Variants in SPAST observed in about 807,000 individuals in gnomAD.
The protein encoded by SPAST is spastic paraplegia 4 (autosomal dominant; spastin).
SPAST carries 30 observed loss-of-function variants against 76.6 expected under a neutral mutation model. That is an observed-to-expected ratio of 0.39 (90% CI 0.29 to 0.53). The LOEUF is 0.53. Ranked by LOEUF, SPAST falls within the 20% of genes least tolerant of loss-of-function variation. The pLI is 0.68. For missense variants in SPAST, 717 were observed against 770.5 expected, an observed-to-expected ratio of 0.93 and a Z score of 0.82; for synonymous variants, 305 against 281.0, an observed-to-expected ratio of 1.09 and a Z score of -0.86.
chr2:32,104,720 T>A (rs1484025365), intron 4 of SPAST, among the ~76,000 whole-genome samples: 3 of 152,196 alleles, frequency 2.0e-5, no homozygotes, highest in Admixed American at 1.3e-4. Context: ...AAGCTTAGTT[T>A]GGCTGGATAT....
chr2:32,145,744 T>C (rs1213087775), intron 15 of SPAST, among the ~76,000 whole-genome samples: 2 of 152,202 alleles, frequency 1.3e-5, no homozygotes, highest in Non-Finnish European at 2.9e-5. Flanking sequence ...ACCAATTCTT[T>C]TTAGGTTAGG....
chr2:32,141,068 A>C (rs1173799265), intron 12 of SPAST, among the ~76,000 whole-genome samples: 2 of 151,670 alleles, frequency 1.3e-5, no homozygotes, highest in African/African-American at 4.8e-5. Flanking sequence ...AGGGGAAGGG[A>C]TAGGTATCTT....
At chr2:32,128,169 A>G (rs1385255484) in intron 8 of SPAST, 4 of 436,412 alleles carry the variant, frequency 9.2e-6, no homozygotes, top group Non-Finnish European at 1.3e-5. Flanking sequence ...TAATTTTTGT[A>G]TTTTTATTAG....
intron 1 of SPAST, 30 bp from the exon 2 acceptor site, chr2:32,087,462 G>A (rs375287472): frequency 1.3e-5 from 18 of 1,357,220 alleles, no homozygotes; most frequent in Admixed American, 1.7e-5. Context: ...CTCTTCATAC[G>A]ATCTATACAA....
intron 7 of SPAST, among the ~76,000 whole-genome samples, chr2:32,119,619 T>G (rs78926455): frequency 0.033 from 5,102 of 152,304 alleles, 136 homozygotes; most frequent in Non-Finnish European, 0.054. Flanking sequence ...TCCATCTTCC[T>G]TCAATCCCAT....
intron 4 of SPAST, among the ~76,000 whole-genome samples, chr2:32,110,307 A>G (rs1678504919): frequency 6.7e-6 from 1 of 149,060 alleles, no homozygotes; most frequent in South Asian, 2.1e-4. Flanking sequence ...TTTAGTAGAA[A>G]TGGGGTTTCA....
intron 1 of SPAST, among the ~76,000 whole-genome samples, chr2:32,079,697 C>T (rs1223037710): frequency 6.6e-6 from 1 of 150,436 alleles, no homozygotes; most frequent in African/African-American, 2.4e-5. Context: ...TAGCTGGGAC[C>T]ACAGGTGTGC....
intron 14 of SPAST, 110 bp downstream of exon 14, chr2:32,143,525 T>C: frequency 1.4e-6 from 1 of 716,046 alleles, no homozygotes; most frequent in Non-Finnish European, 2.4e-6. Flanking sequence ...AATTCATTGA[T>C]CAGAAGACTT....
At chr2:32,109,726 T>G (rs1463078922) in intron 4 of SPAST, among the ~76,000 whole-genome samples, 1 of 149,132 alleles carries the variant, frequency 6.7e-6, no homozygotes, top group African/African-American at 2.4e-5. Context: ...AATAACTATA[T>G]GTATATATAA....
At chr2:32,122,485 C>T (rs1279963866) in intron 7 of SPAST, among the ~76,000 whole-genome samples, 1 of 152,080 alleles carries the variant, frequency 6.6e-6, no homozygotes, top group Non-Finnish European at 1.5e-5. Context: ...CCACGCCTGG[C>T]TAATTTTTGT....
chr2:32,087,560 G>C lies in SPAST; in HGVS notation c.484G>C (p.Val162Leu). 2 of 1,596,100 alleles carry C rather than the reference G, an allele frequency of 1.3e-6. No homozygotes were observed. The highest frequency in any genetic ancestry group is 1.7e-6 in the Non-Finnish European group (2 of 1,164,928). ...GIEELEKGIA[V>L]IVTGQGEQCE... ...TGAAGAACTGGAAAAAGGAATAGCTGTTATAGTTACAGGACAAGGTAAGAT... is the reference window on the plus strand; with the variant it reads ...TGAAGAACTGGAAAAAGGAATAGCTCTTATAGTTACAGGACAAGGTAAGAT... Residue 162 changes from valine (V) to leucine (L), a missense_variant, in exon 2 of 17, where the codon GTT becomes CTT. By Grantham distance (32) the Val-to-Leu change is conservative. This residue lies in a region of SPAST where 543 missense variants were observed against 445.2 expected (regional missense o/e 1.22). Coordinates refer to ENST00000315285, the MANE Select transcript of SPAST (RefSeq NM_014946.4).
rs1558340752 is a variant in SPAST, at chr2:32,143,324, A to C, written c.1537-12A>C. 1 of 1,440,482 alleles carries C rather than the reference A, an allele frequency of 6.9e-7. No homozygotes were observed. The allele number at this position is 1,440,482 out of a possible 1,614,324, so 89.2% of individuals were successfully genotyped here. ...AAATTAGACTGAATGATCATTTTTT[A>C]ATATTTTTCAGACAAGACTACTTTT... On this transcript the variant is annotated splice_polypyrimidine_tract_variant and intron_variant, in intron 13 of 16. Coordinates refer to ENST00000315285, the MANE Select transcript of SPAST (RefSeq NM_014946.4).
intron 7 of SPAST, among the ~76,000 whole-genome samples, chr2:32,125,324 A>G (rs1679152749): frequency 1.3e-5 from 2 of 152,028 alleles, no homozygotes; most frequent in Non-Finnish European, 1.5e-5. Context: ...CCAGGGTTCA[A>G]GCGATTCTCA....
At chr2:32,141,179 G>A (rs1009326120) in intron 12 of SPAST, among the ~76,000 whole-genome samples, 3 of 152,056 alleles carry the variant, frequency 2.0e-5, no homozygotes, top group African/African-American at 7.2e-5. Flanking sequence ...AAGAGATAGG[G>A]TTGATTTATT....
chr2:32,155,635 T>G lies in SPAST; in HGVS notation c.*1139T>G, dbSNP rs990636934. On this transcript the variant is annotated 3_prime_UTR_variant, in exon 17 of 17. Coordinates refer to ENST00000315285, the MANE Select transcript of SPAST (RefSeq NM_014946.4). ...TCTAGTCTGTTGATCTGCCTTTTGT[T>G]CTCCCAAAATGTACAGTAATTCCAT... 6.6e-5 allele frequency: 10 copies of G among 152,628 alleles called. No individual in the cohort carries two copies. Among genetic ancestry groups the G allele is most frequent in the African/African-American group, 2.4e-4 (10 of 41,570 alleles). 9.5% of individuals were successfully genotyped at this position (152,628 alleles called of 1,614,324 possible).
rs1242508444 is a variant in SPAST, at chr2:32,110,658, A to ATATAGT, written c.683-3980_683-3979insTATAGT. On this transcript the variant is annotated intron_variant, in intron 4 of 16. Coordinates refer to ENST00000315285, the MANE Select transcript of SPAST (RefSeq NM_014946.4). ...GTAGTATATATAGTATATATAGTAT[A>ATATAGT]GTATATATAGTATATATAGTGTATA... Among the ~76,000 whole-genome samples, 273 of 137,720 alleles carry ATATAGT rather than the reference A, an allele frequency of 2.0e-3. 4 individuals are homozygous for ATATAGT. The highest frequency in any genetic ancestry group is 7.3e-3 in the African/African-American group (269 of 36,864). 90.3% of individuals were successfully genotyped at this position (137,720 alleles called of 152,430 possible).
intron 1 of SPAST, among the ~76,000 whole-genome samples, chr2:32,076,465 T>C (rs1309330166): frequency 6.6e-6 from 1 of 152,068 alleles, no homozygotes; most frequent in Non-Finnish European, 1.5e-5. Context: ...CAAGCAATCC[T>C]CCTACCTCAG....
intron 1 of SPAST, among the ~76,000 whole-genome samples, chr2:32,072,682 T>G (rs1292229416): frequency 6.6e-6 from 1 of 152,208 alleles, no homozygotes; most frequent in Non-Finnish European, 1.5e-5. Context: ...TTCTATATAA[T>G]TCAATATTGT....
At chr2:32,080,783 CTTTTTTTTTTTTTTT>C (rs1162817708) in intron 1 of SPAST, among the ~76,000 whole-genome samples, 4 of 48,450 alleles carry the variant, frequency 8.3e-5, no homozygotes, top group Admixed American at 2.6e-4. Context: ...TGGCTCAGTT[CTTTTTTTTTTTTTTT>C]TTTTTTTTTT....
Sources: gnomAD v4.1 joint callset for allele counts (sites outside exome capture counted in the v4.1 genomes callset) on GRCh38, gnomAD v4.1.1 for gene constraint, gnomAD v4.1.1 regional missense constraint, MANE v1.5 for transcripts, NCBI Gene and HGNC (gene_info 2026-07-23, HGNC 2026-07-21) for gene names.